The following HIPK3 variants were observed in gnomAD, a reference collection of about 807,000 sequenced individuals.
HIPK3 encodes homeodomain-interacting protein kinase 3.
HIPK3 carries 47 observed loss-of-function variants against 124.2 expected under a neutral mutation model. The ratio of observed to expected loss-of-function variants is 0.38; its 90% CI spans 0.30 to 0.48. The LOEUF (loss-of-function observed/expected upper bound fraction) is 0.48. HIPK3 is among the 20% of genes least tolerant of loss of function. The pLI, the probability that HIPK3 is intolerant of heterozygous loss-of-function variation, is 0.98. For synonymous variants in HIPK3, 482 were observed against 515.2 expected (o/e 0.94, Z 0.87); for missense variants, 1,286 against 1,454.3 (o/e 0.88, Z 1.88).
Position 33,287,280 on chromosome 11 carries a change from A to G in HIPK3, c.866A>G (p.Asn289Ser). 6 of 1,614,160 alleles carry G rather than the reference A, an allele frequency of 3.7e-6. No homozygotes were observed. Among genetic ancestry groups the G allele is most frequent in the Non-Finnish European group, 5.1e-6 (6 of 1,180,004 alleles). ...AACTTGTATGACTTTCTGAAACAAA[A>G]TAAATTTAGTCCCCTGCCACTAAAA... ...EQNLYDFLKQ[N>S]KFSPLPLKVI... Residue 289 changes from asparagine (N) to serine (S), a missense_variant, in exon 2 of 17, where the codon AAT becomes AGT. Physicochemically the swap from Asn to Ser is conservative, Grantham distance 46. This residue lies in a region of HIPK3 where 251 missense variants were observed against 349.1 expected (regional missense o/e 0.72). Coordinates refer to ENST00000303296, the MANE Select transcript of HIPK3 (RefSeq NM_005734.5).
At chr11:33,317,936 CTG>C (rs1852554075) in intron 2 of HIPK3, among the ~76,000 whole-genome samples, 1 of 152,148 alleles carries the variant, frequency 6.6e-6, no homozygotes, top group African/African-American at 2.4e-5. Context: ...TTTAGGAACT[CTG>C]TGTCCCCCAA....
At chr11:33,265,359 G>A (rs1409658208) in intron 1 of HIPK3, among the ~76,000 whole-genome samples, 1 of 152,104 alleles carries the variant, frequency 6.6e-6, no homozygotes, top group African/African-American at 2.4e-5. Flanking sequence ...CAAAAATAGT[G>A]GATTTGTAAT....
Position 33,353,192 on chromosome 11 carries a change from C to G in HIPK3, c.3272C>G (p.Thr1091Ser). 6.2e-7 allele frequency: 1 copy of G among 1,613,802 alleles called. No homozygotes were observed. Among genetic ancestry groups the G allele is most frequent in the Non-Finnish European group, 8.5e-7 (1 of 1,179,784 alleles). The change falls in exon 17 of 17, where the codon ACT becomes AGT. Residue 1091 changes from threonine to serine, a missense_variant. This residue lies in a region of HIPK3 where 810 missense variants were observed against 864.9 expected (regional missense o/e 0.94). Transcript: ENST00000303296. ...ACTAGTGTTACCAGTAATCCATTCA[C>G]TCTTTCTCATGGAAGTCCCAATCAC... ...IPTSVTSNPF[T>S]LSHGSPNHTA... is the part of the protein sequence containing the mutation.
chr11:33,258,308 G>C (rs1407689484), intron 1 of HIPK3: 2 of 985,284 alleles, frequency 2.0e-6, no homozygotes, highest in East Asian at 2.3e-4. Context: ...GTCCTAGGCC[G>C]TAACTACGGA....
chr11:33,265,366 T>G (rs1850925483), intron 1 of HIPK3, among the ~76,000 whole-genome samples: 1 of 152,228 alleles, frequency 6.6e-6, no homozygotes, highest in African/African-American at 2.4e-5. Flanking sequence ...AGTGGATTTG[T>G]AATCATTGTT....
chr11:33,328,747 G>A, intron 3 of HIPK3, 114 bp downstream of exon 3: 1 of 875,990 alleles, frequency 1.1e-6, no homozygotes. Flanking sequence ...TTAACATAAA[G>A]TGGCAGAATC....
At chr11:33,344,758 G>C (rs1482089238) in intron 8 of HIPK3, among the ~76,000 whole-genome samples, 4 of 152,174 alleles carry the variant, frequency 2.6e-5, no homozygotes, top group African/African-American at 9.7e-5. Flanking sequence ...AGGCCAGGCA[G>C]GCTCTGTAAG....
At chr11:33,267,408 C>CG (rs1850997366) in intron 1 of HIPK3, among the ~76,000 whole-genome samples, 1 of 151,908 alleles carries the variant, frequency 6.6e-6, no homozygotes, top group African/African-American at 2.4e-5. Context: ...CCACTGTGCC[C>CG]GGCGCACATT....
At chr11:33,284,689 C>G (rs559357017) in intron 1 of HIPK3, among the ~76,000 whole-genome samples, 221 of 152,252 alleles carry the variant, frequency 1.5e-3, no homozygotes, top group South Asian at 8.1e-3. Flanking sequence ...ATTAAGAGAA[C>G]ATAATGCAAA....
chr11:33,340,654 G>A (rs1224191524), intron 6 of HIPK3, among the ~76,000 whole-genome samples: 3 of 152,110 alleles, frequency 2.0e-5, no homozygotes, highest in Non-Finnish European at 4.4e-5. Context: ...TAATTTAGTG[G>A]TGTGGAGATC....
At chr11:33,311,975 TACACAC>T (rs71034672) in intron 2 of HIPK3, among the ~76,000 whole-genome samples, 5 of 137,082 alleles carry the variant, frequency 3.6e-5, no homozygotes, top group African/African-American at 1.1e-4. Context: ...ACCCTGTTTC[TACACAC>T]ACACACACAC....
intron 14 of HIPK3, among the ~76,000 whole-genome samples, chr11:33,351,119 G>A (rs1055290153): frequency 2.6e-5 from 4 of 152,172 alleles, no homozygotes; most frequent in Admixed American, 2.6e-4. Context: ...TAGGCCTTCA[G>A]AGGTGTGGGG....
chr11:33,352,589 G>T (rs1000167615), intron 16 of HIPK3, among the ~76,000 whole-genome samples: 2 of 152,092 alleles, frequency 1.3e-5, no homozygotes, highest in African/African-American at 2.4e-5. Context: ...TTGTGTTTCA[G>T]TTGGGAAAAG....
chr11:33,353,521 G>T lies in HIPK3; in HGVS notation c.3601G>T (p.Gly1201Ter). ...SYIAASPAYT[G>*]FPLSPTKLSQ... ...CATTGCAGCATCACCTGCATATACT[G>T]GATTTCCACTGAGTCCAACAAAACT... Residue 1201 changes from glycine to a stop codon, truncating the protein, a stop_gained, in exon 17 of 17, where the codon GGA becomes TGA. Transcript: ENST00000303296. LOFTEE classifies it high-confidence loss of function. The T allele has an allele frequency of 6.2e-7, 1 of 1,613,872 alleles. No homozygotes were observed. Among genetic ancestry groups the T allele is most frequent in the Admixed American group, 1.7e-5 (1 of 60,000 alleles).
Position 33,286,394 on chromosome 11 carries a change from T to G in HIPK3, c.-2-19T>G. 1.5e-6 allele frequency: 1 copy of G among 659,746 alleles called. No individual in the cohort carries two copies. Among genetic ancestry groups the G allele is most frequent in the Non-Finnish European group, 2.0e-6 (1 of 507,162 alleles). The allele number at this position is 659,746 out of a possible 1,614,324, so 40.9% of individuals were successfully genotyped here. A position where few individuals can be genotyped will look rare whatever the true frequency, so the allele number is the denominator to read the frequency against. On this transcript the variant is annotated intron_variant, in intron 1 of 16. Transcript: ENST00000303296. The stretch of plus-strand genomic sequence containing the variant: ...TTCTTTCCTTTTTTTTCTTTTCCTT[T>G]TTTTTTTTTTTTTTGCAGGTATGGC...
intron 1 of HIPK3, among the ~76,000 whole-genome samples, chr11:33,281,756 A>G (rs1415401647): frequency 1.3e-5 from 2 of 152,326 alleles, no homozygotes; most frequent in East Asian, 1.9e-4. Context: ...TTCAGGTAGC[A>G]GTATTCAGAA....
Position 33,347,369 on chromosome 11 carries a change from C to G in HIPK3, c.1974C>G (p.Ala658=). 6.2e-7 allele frequency: 1 copy of G among 1,613,978 alleles called. No homozygotes were observed. Among genetic ancestry groups the G allele is most frequent in the Non-Finnish European group, 8.5e-7 (1 of 1,179,942 alleles). Residue 658 remains alanine (A), a synonymous_variant, in exon 9 of 17, where the codon GCC becomes GCG. Coordinates refer to ENST00000303296, the MANE Select transcript of HIPK3 (RefSeq NM_005734.5). The stretch of plus-strand genomic sequence containing the variant: ...ATACAGTTCCACTTGTAACTCAGGC[C>G]CCAGCTGTGCAGCCACTACAGATCC... ...VDNTVPLVTQ[A]PAVQPLQIRP...
intron 3 of HIPK3, among the ~76,000 whole-genome samples, chr11:33,331,315 T>C (rs1852976272): frequency 6.6e-6 from 1 of 152,212 alleles, no homozygotes; most frequent in Non-Finnish European, 1.5e-5. Flanking sequence ...TGTCTCTCTC[T>C]ATTATCTGTT....
At position 33,257,819 on chromosome 11, in the gene HIPK3, C is replaced by T. The variant is rs1218540424; in HGVS notation, c.-73C>T. 5.1e-6 allele frequency: 5 copies of T among 986,354 alleles called. No individual in the cohort carries two copies. The highest frequency in any genetic ancestry group is 6.0e-6 in the Non-Finnish European group (5 of 830,798). The allele number at this position is 986,354 out of a possible 1,614,324, so 61.1% of individuals were successfully genotyped here. A position where few individuals can be genotyped will look rare whatever the true frequency, so the allele number is the denominator to read the frequency against. On this transcript the variant is annotated 5_prime_UTR_variant, in exon 1 of 17. Transcript: ENST00000303296. ...CCTGGCTCCCGGTCCCCGGCACGGC[C>T]CTGCGCCCCACCCCGGACATGCTCA...
Sources: gnomAD v4.1 joint callset for allele counts (sites outside exome capture counted in the v4.1 genomes callset) on GRCh38, gnomAD v4.1.1 for gene constraint, gnomAD v4.1.1 regional missense constraint, MANE v1.5 for transcripts, NCBI Gene and HGNC (gene_info 2026-07-23, HGNC 2026-07-21) for gene names.